The following PLCL2 variants were observed in gnomAD, a reference collection of about 807,000 sequenced individuals.
The protein encoded by PLCL2 is phospholipase C like 2.
Under a neutral mutation model 79.6 loss-of-function variants are expected in PLCL2, and 4 were observed. The observed-to-expected ratio is 0.05, with a 90% CI of 0.02 to 0.11. The LOEUF is 0.11. Among genes scored for constraint, PLCL2 ranks in the 10% least tolerant of loss-of-function variants. The probability of loss-of-function intolerance (pLI) is 1.00; values close to 1 mark genes in which losing one functional copy is unlikely to be tolerated. For missense variants in PLCL2, 895 were observed against 1,291.0 expected (o/e 0.69, Z 4.70); for synonymous variants, 484 against 457.7 (o/e 1.06, Z -0.73).
At chr3:17,080,546 G>T (rs1473252936) in intron 5 of PLCL2, among the ~76,000 whole-genome samples, 2 of 152,096 alleles carry the variant, frequency 1.3e-5, no homozygotes, top group Non-Finnish European at 2.9e-5. Flanking sequence ...CACCTCCCGG[G>T]TTCAAGTGAT....
intron 4 of PLCL2, among the ~76,000 whole-genome samples, chr3:17,059,016 A>T (rs757932365): frequency 1.3e-5 from 2 of 152,170 alleles, no homozygotes; most frequent in Non-Finnish European, 2.9e-5. Flanking sequence ...AAATTTCAGA[A>T]TTTCAAATTC....
chr3:17,020,016 T>C (rs1224558658), intron 3 of PLCL2, among the ~76,000 whole-genome samples: 3 of 152,194 alleles, frequency 2.0e-5, no homozygotes, highest in Admixed American at 2.0e-4. Context: ...GCATCTCCTC[T>C]CCCCCATCAA....
chr3:17,084,494 A>G (rs2065195968), intron 5 of PLCL2, among the ~76,000 whole-genome samples: 1 of 152,252 alleles, frequency 6.6e-6, no homozygotes, highest in Non-Finnish European at 1.5e-5. Flanking sequence ...ACAATAGACC[A>G]GTATCTCTCA....
intron 3 of PLCL2, among the ~76,000 whole-genome samples, chr3:17,017,858 T>C (rs1017007675): frequency 7.2e-5 from 11 of 152,252 alleles, no homozygotes; most frequent in African/African-American, 2.4e-4. Context: ...AGAAGTGTGC[T>C]AGTTTCTTTG....
chr3:16,927,895 T>G (rs543974243), intron 1 of PLCL2, among the ~76,000 whole-genome samples: 1 of 152,312 alleles, frequency 6.6e-6, no homozygotes, highest in Non-Finnish European at 1.5e-5. Context: ...TGTCAGAGCT[T>G]TCAATGTGAT....
At chr3:17,032,076 A>C (rs979106142) in intron 3 of PLCL2, among the ~76,000 whole-genome samples, 4 of 151,454 alleles carry the variant, frequency 2.6e-5, no homozygotes, top group African/African-American at 9.7e-5. Flanking sequence ...TTCTTAACTT[A>C]AAGTTTTGGT....
At chr3:17,054,693 G>A (rs942196807) in intron 4 of PLCL2, among the ~76,000 whole-genome samples, 1 of 152,096 alleles carries the variant, frequency 6.6e-6, no homozygotes, top group Non-Finnish European at 1.5e-5. Flanking sequence ...CTACCCCCAT[G>A]ATCCAATTAC....
chr3:17,084,293 T>A (rs978509164), intron 5 of PLCL2, among the ~76,000 whole-genome samples: 1 of 152,144 alleles, frequency 6.6e-6, no homozygotes, highest in African/African-American at 2.4e-5. Flanking sequence ...AATCAATAAT[T>A]AATAAGCCTC....
intron 5 of PLCL2, among the ~76,000 whole-genome samples, chr3:17,069,969 T>TG (rs1272025533): frequency 6.6e-6 from 1 of 152,018 alleles, no homozygotes; most frequent in Non-Finnish European, 1.5e-5. Context: ...TGGTCAGAGG[T>TG]GGGGGGTACA....
chr3:16,986,326 C>T (rs968928398), intron 1 of PLCL2, among the ~76,000 whole-genome samples: 6 of 152,090 alleles, frequency 3.9e-5, no homozygotes, highest in African/African-American at 1.5e-4. Context: ...TAATTATTCA[C>T]TATGTTAGTT....
chr3:16,947,240 G>A (rs1242274396), intron 1 of PLCL2, among the ~76,000 whole-genome samples: 6 of 152,100 alleles, frequency 3.9e-5, no homozygotes, highest in East Asian at 3.9e-4. Flanking sequence ...GCGAGCCACC[G>A]CATCCAGCTA....
intron 1 of PLCL2, among the ~76,000 whole-genome samples, chr3:16,911,878 C>T (rs1367789386): frequency 6.6e-6 from 1 of 152,120 alleles, no homozygotes; most frequent in African/African-American, 2.4e-5. Context: ...CCTAACAGCA[C>T]CTTTGCTTTC....
At chr3:17,042,985 T>C (rs766762951) in intron 4 of PLCL2, 36 bp downstream of exon 4, 2 of 1,348,792 alleles carry the variant, frequency 1.5e-6, no homozygotes, top group African/African-American at 2.9e-5. Flanking sequence ...TTAAATGAAA[T>C]TAATAGCATC....
At chr3:17,015,400 A>G (rs1485060623) in intron 3 of PLCL2, among the ~76,000 whole-genome samples, 2 of 152,176 alleles carry the variant, frequency 1.3e-5, no homozygotes, top group African/African-American at 4.8e-5. Flanking sequence ...TGATACTTGT[A>G]TTTGTAATGA....
chr3:16,944,204 A>G (rs2063580512), intron 1 of PLCL2, among the ~76,000 whole-genome samples: 2 of 152,330 alleles, frequency 1.3e-5, no homozygotes, highest in African/African-American at 2.4e-5. Context: ...GTGAAGTGTA[A>G]TGCACATAAA....
intron 1 of PLCL2, among the ~76,000 whole-genome samples, chr3:16,999,376 G>T (rs1228920736): frequency 6.6e-6 from 1 of 152,162 alleles, no homozygotes; most frequent in African/African-American, 2.4e-5. Context: ...GTATTGCAGT[G>T]ACACATTTAT....
chr3:17,010,176 G>A lies in PLCL2; in HGVS notation c.830G>A (p.Ser277Asn). 6.2e-7 allele frequency: 1 copy of A among 1,613,978 alleles called. No homozygotes were observed. Among genetic ancestry groups the A allele is most frequent in the Non-Finnish European group, 8.5e-7 (1 of 1,179,856 alleles). ...MRTSWVSQMFSEIDVDNLGHI... is the reference protein window; with the variant it reads ...MRTSWVSQMFNEIDVDNLGHI... ...ACTTCTTGGGTTTCACAAATGTTTA[G>A]TGAAATTGATGTAGATAACCTTGGA... Residue 277 changes from serine to asparagine, a missense_variant, in exon 2 of 6, where the codon AGT (serine) becomes AAT (asparagine). Physicochemically the swap from Ser to Asn is conservative, Grantham distance 46. Transcript: ENST00000615277. This position sits in a 1 kb window ranked among gnomAD's most constrained non-coding sequence, Gnocchi z 5.8.
At chr3:17,018,653 A>G (rs557239020) in intron 3 of PLCL2, among the ~76,000 whole-genome samples, 5 of 152,340 alleles carry the variant, frequency 3.3e-5, no homozygotes, top group African/African-American at 9.6e-5. Context: ...CATCATGACC[A>G]TAAAGTCAGA....
intron 4 of PLCL2, among the ~76,000 whole-genome samples, chr3:17,062,904 G>C (rs924446032): frequency 8.6e-5 from 13 of 151,990 alleles, no homozygotes; most frequent in Non-Finnish European, 1.5e-4. Flanking sequence ...AAGCAGCGGC[G>C]GCAGCAGCAA....
Sources: allele counts gnomAD v4.1 joint callset (sites outside exome capture counted in the v4.1 genomes callset), GRCh38; gene constraint gnomAD v4.1.1; non-coding constraint Gnocchi (gnomAD v3.1); transcripts MANE v1.5; gene names NCBI Gene and HGNC (gene_info 2026-07-23, HGNC 2026-07-21).